KLRG2: variants seen among roughly 807,000 people sequenced by gnomAD.
KLRG2 encodes the protein killer cell lectin-like receptor subfamily G member 2.
Under a neutral mutation model 35.4 loss-of-function variants are expected in KLRG2, and 39 were observed. The ratio of observed to expected loss-of-function variants is 1.10; its 90% CI spans 0.85 to 1.44. The LOEUF is 1.44. KLRG2 is among the 40% of genes most tolerant of loss of function. The pLI, the probability that KLRG2 is intolerant of heterozygous loss-of-function variation, is 0.00. For synonymous variants in KLRG2, 283 were observed against 265.8 expected (o/e 1.06, Z -0.63); for missense variants, 632 against 570.9 (o/e 1.11, Z -1.09).
intron 3 of KLRG2, among the ~76,000 whole-genome samples, chr7:139,459,563 G>A (rs1466182043): frequency 1.3e-5 from 2 of 152,224 alleles, no homozygotes; most frequent in East Asian, 1.9e-4. Context: ...CCATCTCAAC[G>A]CCAACACCTC....
At chr7:139,464,724 TC>T (rs1296305206) in intron 3 of KLRG2, among the ~76,000 whole-genome samples, 1 of 152,234 alleles carries the variant, frequency 6.6e-6, no homozygotes, top group Non-Finnish European at 1.5e-5. Context: ...AGTCTTTCTG[TC>T]CAAACAATTT....
chr7:139,437,485 C>T, the KLRG2 span, among the ~76,000 whole-genome samples: 1 of 150,794 alleles, frequency 6.6e-6, no homozygotes, highest in African/African-American at 2.4e-5. Context: ...GAGACAGAGT[C>T]TCGCTCTGTT....
At chr7:139,430,778 G>A in the KLRG2 span, among the ~76,000 whole-genome samples, 1 of 152,286 alleles carries the variant, frequency 6.6e-6, no homozygotes, top group Middle Eastern at 3.4e-3. Flanking sequence ...GGAGGCCGAG[G>A]CAGGCAGATC....
Position 139,476,253 on chromosome 7 carries a change from G to A in KLRG2, c.1005+3374C>T, listed in dbSNP as rs1414604255. On this transcript the variant is annotated intron_variant, in intron 3 of 4. Coordinates refer to ENST00000340940, the MANE Select transcript of KLRG2 (RefSeq NM_198508.4). ...CTCTGACTCCACTGAGGAGACTGAG[G>A]TGAAACCAACGAAAAGACATGCGAC... Among the ~76,000 whole-genome samples, 4 of 152,106 alleles carry A rather than the reference G, an allele frequency of 2.6e-5. No individual in the cohort carries two copies. In the East Asian group the frequency reaches 7.7e-4, roughly 29 times the overall value.
the KLRG2 span, among the ~76,000 whole-genome samples, chr7:139,430,806 C>T: frequency 0.011 from 1,662 of 152,122 alleles, 15 homozygotes; most frequent in Middle Eastern, 0.017. Flanking sequence ...GTCAGCAGTT[C>T]GAAACCAGCC....
chr7:139,450,292 C>T (rs868053915), downstream of KLRG2, among the ~76,000 whole-genome samples: 11 of 150,996 alleles, frequency 7.3e-5, no homozygotes, highest in Admixed American at 1.3e-4. Flanking sequence ...GGCGCGATCT[C>T]GGCTCACTGC....
intron 3 of KLRG2, among the ~76,000 whole-genome samples, chr7:139,456,036 CTA>C (rs1796472369): frequency 6.6e-6 from 1 of 151,728 alleles, no homozygotes; most frequent in Admixed American, 6.6e-5. Context: ...AAAAAAAAGA[CTA>C]CACTAGCAAG....
chr7:139,474,901 G>A (rs900737977), intron 3 of KLRG2, among the ~76,000 whole-genome samples: 1 of 152,168 alleles, frequency 6.6e-6, no homozygotes, highest in Admixed American at 6.5e-5. Context: ...CCCAGACCTA[G>A]GAAATAGAAT....
chr7:139,451,036 G>A (rs537007198), downstream of KLRG2, among the ~76,000 whole-genome samples: 2 of 152,318 alleles, frequency 1.3e-5, no homozygotes, highest in South Asian at 2.1e-4. Flanking sequence ...CCCCAGCTAG[G>A]AGCCTGCACC....
At chr7:139,471,791 T>C (rs904877095) in intron 3 of KLRG2, among the ~76,000 whole-genome samples, 5 of 152,332 alleles carry the variant, frequency 3.3e-5, no homozygotes, top group African/African-American at 9.6e-5. Flanking sequence ...ACAGGCCCAG[T>C]GGCCAGTTCT....
intron 3 of KLRG2, among the ~76,000 whole-genome samples, chr7:139,465,217 C>T (rs779767954): frequency 1.3e-5 from 2 of 152,332 alleles, no homozygotes; most frequent in South Asian, 2.1e-4. Context: ...TGCCTTCACT[C>T]GAGCCCTTGC....
the KLRG2 span, among the ~76,000 whole-genome samples, chr7:139,433,073 T>C: frequency 1.3e-5 from 2 of 152,236 alleles, no homozygotes; most frequent in Non-Finnish European, 2.9e-5. Context: ...CTGTGGTTCC[T>C]CCTTGTATTT....
chr7:139,453,459 C>G lies in KLRG2; in HGVS notation c.*128G>C. The G allele has an allele frequency of 1.1e-6, 1 of 948,214 alleles. No homozygotes were observed. The highest frequency in any genetic ancestry group is 1.7e-5 in the South Asian group (1 of 60,182). The allele number at this position is 948,214 out of a possible 1,614,324, so 58.7% of individuals were successfully genotyped here. ...CCAGCTCCTAGGCTCGCTCATGTGG[C>G]CCCCTTGAGCAGAGCATGAAGACCT... is the stretch of plus-strand genomic sequence containing the variant. On this transcript the variant is annotated 3_prime_UTR_variant, in exon 5 of 5. Coordinates refer to ENST00000340940, the MANE Select transcript of KLRG2 (RefSeq NM_198508.4).
Position 139,473,981 on chromosome 7 carries a change from C to T in KLRG2, c.1005+5646G>A, listed in dbSNP as rs1039552484. On this transcript the variant is annotated intron_variant, in intron 3 of 4. Coordinates refer to ENST00000340940, the MANE Select transcript of KLRG2 (RefSeq NM_198508.4). ...CCAGAGAAGAAATAAAAATGAATGA[C>T]ATACAAAGAACTGGGAATCAGAGTG... Among the ~76,000 whole-genome samples, 5 of 148,194 alleles carry T rather than the reference C, an allele frequency of 3.4e-5. No individual in the cohort carries two copies. In the South Asian group the frequency reaches 1.1e-3, roughly 31 times the overall value.
chr7:139,475,547 A>T (rs1036008410), intron 3 of KLRG2, among the ~76,000 whole-genome samples: 1 of 149,020 alleles, frequency 6.7e-6, no homozygotes, highest in African/African-American at 2.5e-5. Flanking sequence ...AAAAAAAAGA[A>T]CTCGTCCCCG....
chr7:139,433,058 G>A, the KLRG2 span, among the ~76,000 whole-genome samples: 1 of 152,170 alleles, frequency 6.6e-6, no homozygotes, highest in African/African-American at 2.4e-5. Context: ...CACTTTAGGT[G>A]CTTTCTGTGG....
chr7:139,459,960 G>C (rs6467858), intron 3 of KLRG2, among the ~76,000 whole-genome samples: 20,931 of 152,066 alleles, frequency 0.14, 4,015 homozygotes, highest in African/African-American at 0.43. Flanking sequence ...CCATGTTGGC[G>C]AGGATGGTCT....
At chr7:139,474,451 A>T (rs548117682) in intron 3 of KLRG2, among the ~76,000 whole-genome samples, 3 of 152,234 alleles carry the variant, frequency 2.0e-5, no homozygotes, top group Admixed American at 6.5e-5. Flanking sequence ...CTCTATCTCC[A>T]TATCTCTATC....
the KLRG2 span, among the ~76,000 whole-genome samples, chr7:139,430,779 C>G: frequency 6.6e-6 from 1 of 152,142 alleles, no homozygotes; most frequent in Non-Finnish European, 1.5e-5. Context: ...GAGGCCGAGG[C>G]AGGCAGATCA....
Sources: gnomAD v4.1 joint callset for allele counts (sites outside exome capture counted in the v4.1 genomes callset) on GRCh38, gnomAD v4.1.1 for gene constraint, MANE v1.5 for transcripts, NCBI Gene and HGNC (gene_info 2026-07-23, HGNC 2026-07-21) for gene names.